MFSD12: variants seen among roughly 807,000 people sequenced by gnomAD.
MFSD12 encodes the protein major facilitator superfamily domain-containing protein 12.
Under a neutral mutation model 51.2 loss-of-function variants are expected in MFSD12, and 67 were observed. The observed-to-expected ratio is 1.31, with a 90% CI of 1.08 to 1.60. The LOEUF (loss-of-function observed/expected upper bound fraction) is 1.60, where lower values mean the gene tolerates loss of function less well. Among genes scored for constraint, MFSD12 ranks in the 40% most tolerant of loss-of-function variants. MFSD12 has a pLI of 0.00. For missense variants in MFSD12, 921 were observed against 673.0 expected (o/e 1.37, Z -4.08); for synonymous variants, 441 against 316.7 (o/e 1.39, Z -4.17).
rs2031455459 is a variant in MFSD12, at chr19:3,551,147, G to C, written c.346C>G (p.Leu116Val). Reference protein sequence around the residue: ...LSFPFIFSPCLGCGAATPEWA... With the variant: ...LSFPFIFSPCVGCGAATPEWA... ...TCGGGCGTGGCCGCCCCACAGCCCAGGCAGGGGCTGAAGATGAAGGGGAAG... is the reference window on the plus strand; with the variant it reads ...TCGGGCGTGGCCGCCCCACAGCCCACGCAGGGGCTGAAGATGAAGGGGAAG... Residue 116 changes from leucine to valine, a missense_variant, in exon 2 of 10, where the codon CTG becomes GTG. Transcript: ENST00000355415. The surrounding 1 kb of genome is among the most constrained non-coding windows in gnomAD (Gnocchi z 4.6). 1 of 1,612,680 alleles carries C rather than the reference G, an allele frequency of 6.2e-7. No homozygotes were observed. The highest frequency in any genetic ancestry group is 8.5e-7 in the Non-Finnish European group (1 of 1,179,850).
chr19:3,541,583 A>G (rs2030418908), downstream of MFSD12: 4 of 894,050 alleles, frequency 4.5e-6, no homozygotes, highest in South Asian at 1.5e-4. Context: ...GGCCTCCCAC[A>G]GTGCTGGGAT....
At chr19:3,542,311 G>C, downstream of MFSD12, 1 of 985,404 alleles carries the variant, frequency 1.0e-6, no homozygotes, top group Non-Finnish European at 1.2e-6. Flanking sequence ...GATTTAAGCA[G>C]AGTTCCTGCC....
downstream of MFSD12, among the ~76,000 whole-genome samples, chr19:3,540,608 A>G (rs2030307608): frequency 6.6e-6 from 1 of 150,466 alleles, no homozygotes; most frequent in Non-Finnish European, 1.5e-5. Context: ...AGCCAGGCGC[A>G]GTGGCTCACG....
Position 3,544,400 on chromosome 19 carries a change from G to A in MFSD12, c.*310C>T, listed in dbSNP as rs1048657039. On this transcript the variant is annotated 3_prime_UTR_variant, in exon 10 of 10. Transcript: ENST00000355415. ...GTGAACTGGACTGAGCTCAGGGTTA[G>A]GGTTCCCCCAGACCCTTCTGGGATT... 18 of 1,311,728 alleles carry A rather than the reference G, an allele frequency of 1.4e-5. No homozygotes were observed. The highest frequency in any genetic ancestry group is 1.5e-5 in the Non-Finnish European group (15 of 1,031,504). 81.3% of individuals were successfully genotyped at this position (1,311,728 alleles called of 1,614,324 possible). A position where few individuals can be genotyped will look rare whatever the true frequency, so the allele number is the denominator to read the frequency against.
intron 6 of MFSD12, 76 bp from the exon 7 acceptor site, chr19:3,546,501 C>A (rs1371015750): frequency 2.0e-6 from 3 of 1,482,530 alleles, no homozygotes; most frequent in African/African-American, 1.4e-5. Context: ...GCCACCCCTA[C>A]CCCCAACCCC....
rs1229165100 is a variant in MFSD12 at position 3,557,322 on chromosome 19, C to T, written c.82G>A (p.Gly28Ser). The T allele has an allele frequency of 6.9e-6, 11 of 1,583,118 alleles. No homozygotes were observed. Among genetic ancestry groups the T allele is most frequent in the Non-Finnish European group, 8.6e-6 (10 of 1,166,950 alleles). Residue 28 changes from glycine (G) to serine (S), a missense_variant, in exon 1 of 10, where the codon GGC (glycine) becomes AGC (serine). Physicochemically the swap from Gly to Ser is moderately conservative, Grantham distance 56. Coordinates refer to ENST00000355415, the MANE Select transcript of MFSD12 (RefSeq NM_174983.5). ...GCGCACAGGTCGTTGAGGAAGTGGC[C>T]CACGGCGTAGCTCAGCCGCGCCACC... ...SLVARLSYAVGHFLNDLCASM... is the reference protein window; with the variant it reads ...SLVARLSYAVSHFLNDLCASM...
In MFSD12 at chr19:3,557,441, G is replaced by A; in HGVS notation, c.-38C>T. On this transcript the variant is annotated 5_prime_UTR_variant, in exon 1 of 10. Coordinates refer to ENST00000355415, the MANE Select transcript of MFSD12 (RefSeq NM_174983.5). ...CCCGCGCCCCCCACCCCCGGGCTCCGCGGAGGGTACCCTGGCCAGGCCTTC... is the reference window on the plus strand; with the variant it reads ...CCCGCGCCCCCCACCCCCGGGCTCCACGGAGGGTACCCTGGCCAGGCCTTC... 1 of 1,177,566 alleles carries A rather than the reference G, an allele frequency of 8.5e-7. No individual in the cohort carries two copies. Among genetic ancestry groups the A allele is most frequent in the Non-Finnish European group, 1.1e-6 (1 of 946,408 alleles). 72.9% of individuals were successfully genotyped at this position (1,177,566 alleles called of 1,614,324 possible).
At chr19:3,549,046 C>T (rs935494619) in intron 2 of MFSD12, among the ~76,000 whole-genome samples, 1 of 152,168 alleles carries the variant, frequency 6.6e-6, no homozygotes, top group South Asian at 2.1e-4. Context: ...CTCTGAAATA[C>T]GCGGGAGAGA....
downstream of MFSD12, among the ~76,000 whole-genome samples, chr19:3,541,132 G>A (rs1231191235): frequency 7.1e-6 from 1 of 141,314 alleles, no homozygotes; most frequent in Non-Finnish European, 1.5e-5. Context: ...TCAGGCCACT[G>A]CACTCCAGCC....
rs990521759 is a variant in MFSD12 at position 3,544,436 on chromosome 19, G to C, written c.*274C>G. 2.2e-6 allele frequency: 3 copies of C among 1,337,198 alleles called. No individual in the cohort carries two copies. Among genetic ancestry groups the C allele is most frequent in the African/African-American group, 2.9e-5 (2 of 67,944 alleles). 82.8% of individuals were successfully genotyped at this position (1,337,198 alleles called of 1,614,324 possible). A position where few individuals can be genotyped will look rare whatever the true frequency, so the allele number is the denominator to read the frequency against. ...GACCCTTCTGGGATTCCTACTTCCTGTTCCCTGCCGAGAGGGGCACCCCAA... is the reference window on the plus strand; with the variant it reads ...GACCCTTCTGGGATTCCTACTTCCTCTTCCCTGCCGAGAGGGGCACCCCAA... On this transcript the variant is annotated 3_prime_UTR_variant, in exon 10 of 10. Transcript: ENST00000355415.
chr19:3,544,381 T>A lies in MFSD12; in HGVS notation c.*329A>T. ...CCCAGGCTGGAGGTGAGGGGTGAAC[T>A]GGACTGAGCTCAGGGTTAGGGTTCC... is the stretch of plus-strand genomic sequence containing the variant. On this transcript the variant is annotated 3_prime_UTR_variant, in exon 10 of 10. Transcript: ENST00000355415. 2 of 1,288,574 alleles carry A rather than the reference T, an allele frequency of 1.6e-6. No individual in the cohort carries two copies. The highest frequency in any genetic ancestry group is 2.0e-6 in the Non-Finnish European group (2 of 1,018,082). 79.8% of individuals were successfully genotyped at this position (1,288,574 alleles called of 1,614,324 possible).
In MFSD12 at chr19:3,557,398, G is replaced by T; in HGVS notation, c.6C>A (p.Gly2=). 1 of 1,250,566 alleles carries T rather than the reference G, an allele frequency of 8.0e-7. No homozygotes were observed. The highest frequency in any genetic ancestry group is 3.4e-5 in the East Asian group (1 of 29,682). The allele number at this position is 1,250,566 out of a possible 1,614,324, so 77.5% of individuals were successfully genotyped here. The change falls in exon 1 of 10, where the codon GGC becomes GGA. Residue 2 remains glycine, a synonymous_variant. Transcript: ENST00000355415. ...CCGCTCCGGCCGCTGGGGGTCCCGG[G>T]CCCATCGCGGCGCCGGGCCCGCGCC... M[G]PGPPAAGAAP...
chr19:3,546,318 A>T lies in MFSD12; in HGVS notation c.1131T>A (p.Ala377=). The change falls in exon 7 of 10, where the codon GCT becomes GCA. Residue 377 remains alanine (A), a synonymous_variant. Coordinates refer to ENST00000355415, the MANE Select transcript of MFSD12 (RefSeq NM_174983.5). ...AVYAAAVLLG[A]GCATILVTSL... is the part of the protein sequence containing the mutation. Reference sequence around the variant, plus strand: ...AGGTGACGAGGATGGTGGCACAGCCAGCACCCAGCAGCACAGCCGCTGCGT... The same window carrying T: ...AGGTGACGAGGATGGTGGCACAGCCTGCACCCAGCAGCACAGCCGCTGCGT... 1 of 1,608,584 alleles carries T rather than the reference A, an allele frequency of 6.2e-7. No individual in the cohort carries two copies.
At chr19:3,546,778 G>A (rs990704468) in intron 6 of MFSD12, among the ~76,000 whole-genome samples, 4 of 152,328 alleles carry the variant, frequency 2.6e-5, no homozygotes, top group South Asian at 2.1e-4. Flanking sequence ...GGCTGCGAGT[G>A]TATAAACTCG....
chr19:3,552,597 C>T (rs1416178149), intron 1 of MFSD12, among the ~76,000 whole-genome samples: 1 of 151,570 alleles, frequency 6.6e-6, no homozygotes, highest in Non-Finnish European at 1.5e-5. Flanking sequence ...ACCTCAGCCT[C>T]CCGTGTAGCT....
chr19:3,551,666 A>G lies in MFSD12; in HGVS notation c.299-472T>C, dbSNP rs2031483657. Among the ~76,000 whole-genome samples the G allele has an allele frequency of 6.6e-6, 1 of 152,096 alleles. No individual in the cohort carries two copies. The highest frequency in any genetic ancestry group is 2.1e-4 in the South Asian group (1 of 4,826). ...TCCTGGCCTCCAGGGACAGTCAGGA[A>G]ATAGCACCCGCCCCCACCTGAGATC... On this transcript the variant is annotated intron_variant, in intron 1 of 9. Coordinates refer to ENST00000355415, the MANE Select transcript of MFSD12 (RefSeq NM_174983.5). The surrounding 1 kb of genome is among the most constrained non-coding windows in gnomAD (Gnocchi z 4.6).
At chr19:3,549,899 G>A (rs943704806) in intron 2 of MFSD12, among the ~76,000 whole-genome samples, 6 of 152,022 alleles carry the variant, frequency 3.9e-5, no homozygotes, top group East Asian at 1.9e-4. Context: ...AGCCGAGATC[G>A]TGCCACTGCA....
intron 8 of MFSD12, among the ~76,000 whole-genome samples, chr19:3,545,734 A>C (rs1157900034): frequency 6.6e-6 from 1 of 152,204 alleles, no homozygotes; most frequent in Non-Finnish European, 1.5e-5. Flanking sequence ...TACAGGCGTG[A>C]ATGCTGTGAT....
intron 1 of MFSD12, among the ~76,000 whole-genome samples, chr19:3,556,389 G>A (rs76793381): frequency 0.04 from 6,047 of 152,340 alleles, 140 homozygotes; most frequent in Non-Finnish European, 0.058. Flanking sequence ...GTAGTCAGAT[G>A]GTGAGGGCCC....
Sources: gnomAD v4.1 joint callset for allele counts (sites outside exome capture counted in the v4.1 genomes callset) on GRCh38, gnomAD v4.1.1 for gene constraint, Gnocchi (gnomAD v3.1) non-coding constraint, MANE v1.5 for transcripts, NCBI Gene and HGNC (gene_info 2026-07-23, HGNC 2026-07-21) for gene names.